Variants in PLXDC2 observed in about 807,000 individuals in gnomAD.
The protein encoded by PLXDC2 is plexin domain containing 2.
PLXDC2 carries 40 observed loss-of-function variants against 68.9 expected under a neutral mutation model. That is an observed-to-expected ratio of 0.58 (90% CI 0.45 to 0.76). The LOEUF is 0.76. PLXDC2 is among the 30% of genes least tolerant of loss of function. The pLI is 0.00. For synonymous variants in PLXDC2, 243 were observed against 234.2 expected, an observed-to-expected ratio of 1.04 and a Z score of -0.34; for missense variants, 644 against 661.9, an observed-to-expected ratio of 0.97 and a Z score of 0.30.
chr10:20,036,593 T>G, intron 2 of PLXDC2, among the ~76,000 whole-genome samples: 1 of 152,150 alleles, frequency 6.6e-6, no homozygotes, highest in East Asian at 1.9e-4. Flanking sequence ...TTTTTTTAAT[T>G]ATTAGAACAT....
intron 1 of PLXDC2, among the ~76,000 whole-genome samples, chr10:19,861,130 G>T (rs974676978): frequency 6.6e-6 from 1 of 151,582 alleles, no homozygotes; most frequent in Non-Finnish European, 1.5e-5. Flanking sequence ...TGCCTCCCGG[G>T]TTCAAGTGAT....
chr10:20,158,501 C>CAAAAAAAAAAAAAAAA lies in PLXDC2; in HGVS notation c.784-5956_784-5941dup, dbSNP rs59079629. The stretch of plus-strand genomic sequence containing the variant: ...GTAACATAATGAGACTCTGTCTCTG[C>CAAAAAAAAAAAAAAAA]AAAAAAAAAAAAAAAAAAAAAAAAA... On this transcript the variant is annotated intron_variant, in intron 6 of 13. Coordinates refer to ENST00000377252, the MANE Select transcript of PLXDC2 (RefSeq NM_032812.9). Among the ~76,000 whole-genome samples, 348 of 118,678 alleles carry CAAAAAAAAAAAAAAAA rather than the reference C, an allele frequency of 2.9e-3. 1 individual carries two copies. The highest frequency in any genetic ancestry group is 4.6e-3 in the Non-Finnish European group (268 of 57,688). The allele number at this position is 118,678 out of a possible 152,430, so 77.9% of individuals were successfully genotyped here.
At chr10:20,040,683 G>A (rs1468282159) in intron 2 of PLXDC2, among the ~76,000 whole-genome samples, 1 of 152,056 alleles carries the variant, frequency 6.6e-6, no homozygotes, top group African/African-American at 2.4e-5. Context: ...GTGAGATAAA[G>A]ATCCTATCCC....
intron 10 of PLXDC2, 67 bp downstream of exon 10, chr10:20,211,796 ATAATTTT>A: frequency 6.9e-7 from 1 of 1,445,172 alleles, no homozygotes; most frequent in Non-Finnish European, 9.5e-7. Context: ...TTAACTGTTA[ATAATTTT>A]TATTCAAAAT....
chr10:20,273,547 GAC>G (rs10540462), intron 13 of PLXDC2, among the ~76,000 whole-genome samples: 68,900 of 151,768 alleles, frequency 0.45, 17,142 homozygotes, highest in Middle Eastern at 0.62. Flanking sequence ...TACATACATA[GAC>G]ACACATATAT....
At chr10:20,121,360 C>A (rs553431388) in intron 4 of PLXDC2, among the ~76,000 whole-genome samples, 8 of 152,160 alleles carry the variant, frequency 5.3e-5, no homozygotes, top group Non-Finnish European at 1.0e-4. Flanking sequence ...ACTAACCATG[C>A]CTAGGAAGGA....
chr10:20,210,190 A>G (rs540929939), intron 9 of PLXDC2, among the ~76,000 whole-genome samples: 1 of 152,328 alleles, frequency 6.6e-6, no homozygotes, highest in African/African-American at 2.4e-5. Flanking sequence ...TTTCTCCTGT[A>G]TATACATACC....
In PLXDC2 at chr10:20,088,052, C is replaced by CT. The variant is rs533066803; in HGVS notation, c.541+19822dup. ...TGGAACAGGCTCTATAATCATTATT[C>CT]TTTTTTTTTCCTAAAATCAAAATGA... On this transcript the variant is annotated intron_variant, in intron 4 of 13. Transcript: ENST00000377252. Among the ~76,000 whole-genome samples, 14 of 151,396 alleles carry CT rather than the reference C, an allele frequency of 9.2e-5. 1 individual carries two copies. The highest frequency in any genetic ancestry group is 7.9e-4 in the Admixed American group (12 of 15,174).
intron 9 of PLXDC2, among the ~76,000 whole-genome samples, chr10:20,201,567 C>G (rs1346815075): frequency 6.6e-6 from 1 of 151,716 alleles, no homozygotes; most frequent in Non-Finnish European, 1.5e-5. Context: ...AACAATAACT[C>G]TATATTGTAA....
chr10:19,953,848 G>T (rs1192140751), intron 1 of PLXDC2, among the ~76,000 whole-genome samples: 14 of 151,594 alleles, frequency 9.2e-5, no homozygotes, highest in Non-Finnish European at 2.9e-5. Context: ...TTTTAAATAT[G>T]ACAGCAAATG....
At position 20,032,123 on chromosome 10, in the gene PLXDC2, G is replaced by A. The variant is rs145748112; in HGVS notation, c.325-14746G>A. 4.1e-4 allele frequency among the ~76,000 whole-genome samples: 63 copies of A among 152,198 alleles called. 1 individual carries two copies. Among genetic ancestry groups the A allele is most frequent in the African/African-American group, 1.3e-3 (56 of 41,534 alleles). Reference sequence around the variant, plus strand: ...GGCTTAAGCCACCATGCCTGGCCCAGAGAGAGATTTTAAAGAAGTTCAGTG... The same window carrying A: ...GGCTTAAGCCACCATGCCTGGCCCAAAGAGAGATTTTAAAGAAGTTCAGTG... On this transcript the variant is annotated intron_variant, in intron 2 of 13. Transcript: ENST00000377252.
intron 1 of PLXDC2, among the ~76,000 whole-genome samples, chr10:19,930,672 T>TA (rs578221157): frequency 7.3e-5 from 11 of 151,162 alleles, no homozygotes; most frequent in Admixed American, 1.3e-4. Flanking sequence ...AAATAAAAAA[T>TA]AAAAAAAAGG....
intron 12 of PLXDC2, among the ~76,000 whole-genome samples, chr10:20,225,600 A>G (rs907216690): frequency 6.6e-6 from 1 of 152,190 alleles, no homozygotes; most frequent in Non-Finnish European, 1.5e-5. Context: ...TCTACTTTAC[A>G]ATGTTAATTT....
chr10:20,211,813 T>C, intron 10 of PLXDC2, 84 bp downstream of exon 10: 1 of 1,327,528 alleles, frequency 7.5e-7, no homozygotes, highest in South Asian at 1.4e-5. Context: ...TTATTCAAAA[T>C]TTATGCCCTA....
At chr10:20,136,599 G>C (rs1025943231) in intron 4 of PLXDC2, among the ~76,000 whole-genome samples, 1 of 152,192 alleles carries the variant, frequency 6.6e-6, no homozygotes, top group African/African-American at 2.4e-5. Flanking sequence ...GAGGAGGTGG[G>C]TCTTCAAATC....
At chr10:19,897,769 A>G (rs978773095) in intron 1 of PLXDC2, among the ~76,000 whole-genome samples, 1 of 152,198 alleles carries the variant, frequency 6.6e-6, no homozygotes, top group African/African-American at 2.4e-5. Context: ...GGAGCCAGTT[A>G]GTTACAGGGC....
chr10:19,884,820 C>T (rs1258557272), intron 1 of PLXDC2, among the ~76,000 whole-genome samples: 1 of 152,120 alleles, frequency 6.6e-6, no homozygotes, highest in African/African-American at 2.4e-5. Flanking sequence ...TATATGTGTG[C>T]ATGTGTCTTT....
At chr10:19,820,640 CAA>C (rs5783700) in intron 1 of PLXDC2, among the ~76,000 whole-genome samples, 9 of 127,226 alleles carry the variant, frequency 7.1e-5, no homozygotes, top group Non-Finnish European at 6.7e-5. Context: ...GACTCCGTCT[CAA>C]AAAAAAAAAA....
At chr10:20,135,073 A>C (rs952861415) in intron 4 of PLXDC2, among the ~76,000 whole-genome samples, 6 of 152,102 alleles carry the variant, frequency 3.9e-5, no homozygotes, top group African/African-American at 1.4e-4. Flanking sequence ...TCTCACCTGG[A>C]TCTCTTAGTT....
Sources: gnomAD v4.1 joint callset for allele counts (sites outside exome capture counted in the v4.1 genomes callset) on GRCh38, gnomAD v4.1.1 for gene constraint, MANE v1.5 for transcripts, NCBI Gene and HGNC (gene_info 2026-07-23, HGNC 2026-07-21) for gene names.